PTPRD: variants seen among roughly 807,000 people sequenced by gnomAD.
PTPRD encodes the protein receptor-type tyrosine-protein phosphatase delta.
In PTPRD, 34 loss-of-function variants were observed where a neutral mutation model predicts 214.5. The observed-to-expected ratio is 0.16, with a 90% CI of 0.12 to 0.21. PTPRD has a LOEUF of 0.21. PTPRD is among the 10% of genes least tolerant of loss of function. PTPRD has a pLI of 1.00. For synonymous variants in PTPRD, 1,128 were observed against 845.7 expected, an observed-to-expected ratio of 1.33 and a Z score of -5.79; for missense variants, 2,545 against 2,398.7, an observed-to-expected ratio of 1.06 and a Z score of -1.27.
intron 2 of PTPRD, among the ~76,000 whole-genome samples, chr9:10,341,987 A>T (rs2096949076): frequency 6.6e-6 from 1 of 152,048 alleles, no homozygotes; most frequent in South Asian, 2.1e-4. Flanking sequence ...AATAAAGTCA[A>T]ATAATGATAC....
rs1197696654 is a variant in PTPRD at position 8,929,735 on chromosome 9, ATATATATGTG to A, written c.-104+88952_-104+88961del. Among the ~76,000 whole-genome samples, 15 of 114,470 alleles carry A rather than the reference ATATATATGTG, an allele frequency of 1.3e-4. 2 individuals are homozygous for A. Among genetic ancestry groups the A allele is most frequent in the South Asian group, 5.8e-4 (2 of 3,438 alleles). The allele number at this position is 114,470 out of a possible 152,430, so 75.1% of individuals were successfully genotyped here. On this transcript the variant is annotated intron_variant, in intron 11 of 45. Transcript: ENST00000381196. ...TATATATGTGTATATATATATGTGTATATATATGTGTATATATATATGTATATATATGTGT... is the reference window on the plus strand; with the variant it reads ...TATATATGTGTATATATATATGTGTATATATATATATGTATATATATGTGT...
intron 5 of PTPRD, among the ~76,000 whole-genome samples, chr9:9,885,032 A>C (rs1408283643): frequency 6.6e-6 from 1 of 152,102 alleles, no homozygotes; most frequent in Non-Finnish European, 1.5e-5. Context: ...AGGAAAGGAG[A>C]CATTTATAGT....
chr9:9,811,534 C>G (rs1342911769), intron 5 of PTPRD, among the ~76,000 whole-genome samples: 1 of 151,954 alleles, frequency 6.6e-6, no homozygotes, highest in Admixed American at 6.6e-5. Flanking sequence ...GGTGAAGCCC[C>G]ATCTCTACTA....
intron 11 of PTPRD, among the ~76,000 whole-genome samples, chr9:8,835,974 G>A (rs1160219416): frequency 6.6e-6 from 1 of 152,184 alleles, no homozygotes; most frequent in African/African-American, 2.4e-5. Flanking sequence ...TGCATCCTCA[G>A]TGCCTGGATC....
At chr9:8,848,286 C>T (rs903295865) in intron 11 of PTPRD, among the ~76,000 whole-genome samples, 3 of 145,868 alleles carry the variant, frequency 2.1e-5, no homozygotes, top group Non-Finnish European at 4.5e-5. Context: ...AGAGAGGCAA[C>T]GTACTTATTA....
intron 7 of PTPRD, among the ~76,000 whole-genome samples, chr9:9,688,875 A>T (rs545731080): frequency 2.0e-5 from 3 of 151,854 alleles, no homozygotes; most frequent in South Asian, 2.1e-4. Context: ...GTTTTTTTTT[A>T]AATGACTGAT....
chr9:10,497,756 T>C (rs1433835569), intron 2 of PTPRD, among the ~76,000 whole-genome samples: 2 of 152,018 alleles, frequency 1.3e-5, no homozygotes, highest in Admixed American at 1.3e-4. Flanking sequence ...CTATGTAATA[T>C]ATATTTACGA....
chr9:8,832,785 T>TCC (rs949347751), intron 11 of PTPRD, among the ~76,000 whole-genome samples: 14 of 151,930 alleles, frequency 9.2e-5, no homozygotes, highest in Non-Finnish European at 1.9e-4. Context: ...GTTCTCTCTC[T>TCC]CTCTCTCTCT....
At chr9:9,252,022 A>G (rs920994572) in intron 9 of PTPRD, among the ~76,000 whole-genome samples, 3 of 151,926 alleles carry the variant, frequency 2.0e-5, no homozygotes, top group Non-Finnish European at 4.4e-5. Flanking sequence ...TTTTAGCTGA[A>G]TTTTATATCT....
chr9:8,644,409 C>T (rs1452326468), intron 12 of PTPRD, among the ~76,000 whole-genome samples: 1 of 152,218 alleles, frequency 6.6e-6, no homozygotes. Context: ...CTGCATACCT[C>T]ATTCTTCCTG....
chr9:10,118,606 G>C (rs1356253598), intron 3 of PTPRD, among the ~76,000 whole-genome samples: 1 of 151,358 alleles, frequency 6.6e-6, no homozygotes, highest in African/African-American at 2.4e-5. Flanking sequence ...AAAAGAATTG[G>C]AGAATAAAAG....
intron 10 of PTPRD, among the ~76,000 whole-genome samples, chr9:9,091,751 T>G (rs1449229448): frequency 1.3e-5 from 2 of 152,206 alleles, no homozygotes; most frequent in Non-Finnish European, 1.5e-5. Flanking sequence ...CCAGCCAATA[T>G]AGTAAAGTCT....
chr9:9,941,159 C>T (rs1053526598), intron 4 of PTPRD, among the ~76,000 whole-genome samples: 7 of 152,164 alleles, frequency 4.6e-5, no homozygotes, highest in Admixed American at 1.3e-4. Context: ...CGTCCTGGGC[C>T]GCATGCTGCC....
chr9:9,531,400 G>A (rs761967134), intron 8 of PTPRD, among the ~76,000 whole-genome samples: 1 of 152,096 alleles, frequency 6.6e-6, no homozygotes, highest in Non-Finnish European at 1.5e-5. Context: ...TATTACTCTT[G>A]TGTATAAGTG....
chr9:8,813,444 T>G (rs1326063162), intron 11 of PTPRD, among the ~76,000 whole-genome samples: 1 of 152,200 alleles, frequency 6.6e-6, no homozygotes, highest in Non-Finnish European at 1.5e-5. Context: ...CACAGCTCAC[T>G]GCTACAGCCT....
chr9:9,275,167 T>C (rs1944920920), intron 9 of PTPRD, among the ~76,000 whole-genome samples: 1 of 37,268 alleles, frequency 2.7e-5, no homozygotes, highest in Admixed American at 5.1e-4. Flanking sequence ...ATATATAACA[T>C]ATATATAATA....
At chr9:9,961,721 G>T (rs2094379584) in intron 4 of PTPRD, among the ~76,000 whole-genome samples, 1 of 152,156 alleles carries the variant, frequency 6.6e-6, no homozygotes, top group South Asian at 2.1e-4. Flanking sequence ...AATCAGATAA[G>T]ATGATGAAAT....
intron 11 of PTPRD, among the ~76,000 whole-genome samples, chr9:8,867,350 C>T (rs1026986472): frequency 6.6e-6 from 1 of 152,092 alleles, no homozygotes; most frequent in Non-Finnish European, 1.5e-5. Context: ...TCTGCTCTGC[C>T]CTCCCCCTTG....
At position 8,830,338 on chromosome 9, in the gene PTPRD, A is replaced by G. The variant is rs560330161; in HGVS notation, c.-103-96392T>C. 2.5e-4 allele frequency among the ~76,000 whole-genome samples: 38 copies of G among 152,256 alleles called. 1 individual carries two copies. Among genetic ancestry groups the G allele is most frequent in the Non-Finnish European group, 4.7e-4 (32 of 68,024 alleles). On this transcript the variant is annotated intron_variant, in intron 11 of 45. Coordinates refer to ENST00000381196, the MANE Select transcript of PTPRD (RefSeq NM_002839.4). Reference sequence around the variant, plus strand: ...TGCAAAGATTATTTTGAACTCTAGCACTTGAGGGAAAATAATCAAAGGATT... The same window carrying G: ...TGCAAAGATTATTTTGAACTCTAGCGCTTGAGGGAAAATAATCAAAGGATT...
Sources: gnomAD v4.1 joint callset for allele counts (sites outside exome capture counted in the v4.1 genomes callset) on GRCh38, gnomAD v4.1.1 for gene constraint, MANE v1.5 for transcripts, NCBI Gene and HGNC (gene_info 2026-07-23, HGNC 2026-07-21) for gene names.